NHSL1: variants seen among roughly 807,000 people sequenced by gnomAD.
The protein encoded by NHSL1 is NHS like 1.
NHSL1 carries 48 observed loss-of-function variants against 95.0 expected under a neutral mutation model. The observed-to-expected ratio is 0.51, with a 90% CI of 0.40 to 0.64. The LOEUF (loss-of-function observed/expected upper bound fraction) is 0.64. NHSL1 is among the 30% of genes least tolerant of loss of function. The probability of loss-of-function intolerance (pLI) is 0.00; values close to 1 mark genes in which losing one functional copy is unlikely to be tolerated. For missense variants in NHSL1, 1,971 were observed against 2,077.7 expected, an observed-to-expected ratio of 0.95 and a Z score of 1.00; for synonymous variants, 783 against 833.9, an observed-to-expected ratio of 0.94 and a Z score of 1.05.
intron 1 of NHSL1, among the ~76,000 whole-genome samples, chr6:138,580,893 A>G (rs1784043482): frequency 6.6e-6 from 1 of 152,254 alleles, no homozygotes; most frequent in Non-Finnish European, 1.5e-5. Flanking sequence ...TGGGCGGGCT[A>G]TAAACGCAAT....
intron 1 of NHSL1, among the ~76,000 whole-genome samples, chr6:138,535,748 G>T (rs1237810263): frequency 6.6e-6 from 1 of 152,162 alleles, no homozygotes; most frequent in East Asian, 1.9e-4. Flanking sequence ...TGAAAATGTG[G>T]CAGCTAGATA....
intron 1 of NHSL1, chr6:138,650,775 A>G: frequency 7.4e-6 from 4 of 544,068 alleles, no homozygotes; most frequent in Middle Eastern, 3.1e-4. Context: ...GGAAGTCTTC[A>G]TATCACCCTT....
chr6:138,681,319 A>G (rs1190030060), intron 1 of NHSL1, among the ~76,000 whole-genome samples: 1 of 152,256 alleles, frequency 6.6e-6, no homozygotes, highest in Non-Finnish European at 1.5e-5. Flanking sequence ...GATGCTGGAC[A>G]GAAGGAGTGA....
chr6:138,566,726 A>G (rs1326839706), intron 1 of NHSL1, among the ~76,000 whole-genome samples: 1 of 151,974 alleles, frequency 6.6e-6, no homozygotes, highest in East Asian at 1.9e-4. Flanking sequence ...AAATAAAGAC[A>G]TATTAAAATG....
At chr6:138,663,470 G>A (rs1785254157) in intron 1 of NHSL1, among the ~76,000 whole-genome samples, 1 of 147,724 alleles carries the variant, frequency 6.8e-6, no homozygotes, top group Non-Finnish European at 1.5e-5. Context: ...AAAGGCAGGA[G>A]AATCACTCGA....
chr6:138,612,109 C>CAAAAAAA (rs368848438), intron 1 of NHSL1, among the ~76,000 whole-genome samples: 1 of 73,474 alleles, frequency 1.4e-5, no homozygotes, highest in East Asian at 4.0e-4. Flanking sequence ...GACTCCATCT[C>CAAAAAAA]AAAAAAAAAA....
rs928265813 is a variant in NHSL1 at position 138,430,486 on chromosome 6, C to T, written c.3859G>A (p.Val1287Ile). The change falls in exon 6 of 8, where the codon GTC (valine) becomes ATC (isoleucine). Residue 1287 changes from valine (V) to isoleucine (I), a missense_variant. Transcript: ENST00000343505. The surrounding 1 kb of genome is among the most constrained non-coding windows in gnomAD (Gnocchi z 4.7). ...EANVPMVQPD[V>I]SPAPKQEEPA... is the part of the protein sequence containing the mutation. ...TCCTCCTGCTTGGGGGCTGGTGAGA[C>T]ATCAGGCTGAACCATGGGGACATTG... 5.8e-6 allele frequency: 9 copies of T among 1,551,168 alleles called. No homozygotes were observed. Among genetic ancestry groups the T allele is most frequent in the Non-Finnish European group, 7.0e-6 (8 of 1,146,660 alleles).
chr6:138,617,215 T>A (rs1183650532), intron 1 of NHSL1, among the ~76,000 whole-genome samples: 1 of 152,106 alleles, frequency 6.6e-6, no homozygotes, highest in Non-Finnish European at 1.5e-5. Context: ...TTTTATATCA[T>A]AATGACCAAG....
At chr6:138,519,297 T>C (rs1320599035) in intron 1 of NHSL1, among the ~76,000 whole-genome samples, 1 of 152,098 alleles carries the variant, frequency 6.6e-6, no homozygotes, top group Admixed American at 6.5e-5. Context: ...ATCTGCTCTG[T>C]CACCCAATTT....
intron 1 of NHSL1, among the ~76,000 whole-genome samples, chr6:138,498,125 T>A (rs1480492268): frequency 6.6e-6 from 1 of 152,230 alleles, no homozygotes; most frequent in Non-Finnish European, 1.5e-5. Flanking sequence ...ACTCACCATA[T>A]GTCCCCCCAA....
At chr6:138,592,602 AAAAAAACAAAAAACAAC>A (rs1019316603) in intron 1 of NHSL1, among the ~76,000 whole-genome samples, 3 of 131,866 alleles carry the variant, frequency 2.3e-5, no homozygotes, top group African/African-American at 6.3e-5. Flanking sequence ...ACTGTCGCAC[AAAAAAACAAAAAACAAC>A]AAAAAACAAA....
chr6:138,466,355 C>T (rs1360876563), intron 3 of NHSL1, among the ~76,000 whole-genome samples: 1 of 152,182 alleles, frequency 6.6e-6, no homozygotes, highest in Non-Finnish European at 1.5e-5. Context: ...GCCCCACATA[C>T]ACTCTTAAGA....
chr6:138,572,021 A>G lies in NHSL1; in HGVS notation c.-110T>C, dbSNP rs370858765. 80 of 798,576 alleles carry G rather than the reference A, an allele frequency of 1.0e-4. No individual in the cohort carries two copies. The Middle Eastern group carries it at 1.8e-3, about 18-fold the overall frequency. 49.5% of individuals were successfully genotyped at this position (798,576 alleles called of 1,614,324 possible). ...GAGCCTGCTGTTTCCCTCTTAGACA[A>G]CGCTGACAGTCAGGCACCGCATTAT... On this transcript the variant is annotated 5_prime_UTR_variant, in exon 1 of 7. Transcript: ENST00000427025.
chr6:138,634,819 CA>C (rs200261699), intron 1 of NHSL1, among the ~76,000 whole-genome samples: 343 of 132,244 alleles, frequency 2.6e-3, no homozygotes, highest in East Asian at 0.013. Flanking sequence ...CTAAAACATT[CA>C]AAAAAAAAAA....
chr6:138,473,789 G>A (rs1164424076), intron 2 of NHSL1, among the ~76,000 whole-genome samples: 2 of 151,728 alleles, frequency 1.3e-5, no homozygotes, highest in Non-Finnish European at 2.9e-5. Flanking sequence ...CAGTGGACTC[G>A]GAATATTAAT....
In NHSL1 at chr6:138,536,031, A is replaced by C. The variant is rs144583849; in HGVS notation, c.16+9592T>G. 5.8e-3 allele frequency among the ~76,000 whole-genome samples: 881 copies of C among 152,298 alleles called. 22 individuals carry two copies. Among genetic ancestry groups the C allele is most frequent in the Admixed American group, 0.048 (739 of 15,278 alleles). ...CTACTCACACACAGAGGTTGAAGGT[A>C]GCTTTCCAAAATTAAAAAGAGGGCA... On this transcript the variant is annotated intron_variant, in intron 1 of 4. Transcript: ENST00000342260.
chr6:138,534,775 T>C (rs1340303883), intron 1 of NHSL1, among the ~76,000 whole-genome samples: 2 of 152,074 alleles, frequency 1.3e-5, no homozygotes, highest in African/African-American at 4.8e-5. Context: ...TGAGATGGGG[T>C]GGAACGATCC....
chr6:138,585,775 G>A (rs1784125903), intron 1 of NHSL1, among the ~76,000 whole-genome samples: 1 of 152,014 alleles, frequency 6.6e-6, no homozygotes, highest in South Asian at 2.1e-4. Flanking sequence ...GGCAAGGAAT[G>A]TTAGCTCACA....
At position 138,624,765 on chromosome 6, in the gene NHSL1, T is replaced by C. The variant is rs77237175; in HGVS notation, c.96+67711A>G. ...CATGCAAGTGAACTGATGAACTTAA[T>C]ATTGCTGAGCATCCTAAACTGCAGC... On this transcript the variant is annotated intron_variant, in intron 1 of 3. Transcript: ENST00000491526. 8.7e-4 allele frequency among the ~76,000 whole-genome samples: 132 copies of C among 152,338 alleles called. No individual in the cohort carries two copies. The East Asian group carries it at 0.019, about 22-fold the overall frequency.
Sources: allele counts gnomAD v4.1 joint callset (sites outside exome capture counted in the v4.1 genomes callset), GRCh38; gene constraint gnomAD v4.1.1; non-coding constraint Gnocchi (gnomAD v3.1); transcripts MANE v1.5; gene names NCBI Gene and HGNC (gene_info 2026-07-23, HGNC 2026-07-21).